The following COQ4 variants were observed in gnomAD, a reference collection of about 807,000 sequenced individuals.
COQ4 encodes coenzyme Q4.
A neutral mutation model predicts 30.2 loss-of-function variants in COQ4; 36 were observed. That is an observed-to-expected ratio of 1.19 (90% CI 0.91 to 1.57). The LOEUF (loss-of-function observed/expected upper bound fraction) is 1.57. COQ4 is among the 40% of genes most tolerant of loss of function. The pLI is 0.00. For synonymous variants in COQ4, 197 were observed against 161.0 expected (o/e 1.22, Z -1.69); for missense variants, 369 against 371.9 (o/e 0.99, Z 0.07).
At position 128,329,556 on chromosome 9, in the gene COQ4, G is replaced by A. The variant is rs774577448; in HGVS notation, c.403-2597G>A. ...GGCTATTTTTTGTATTTTTAGTATA[G>A]GCGGGATTTCATCATATTGGCCAGG... On this transcript the variant is annotated intron_variant, in intron 4 of 6. Transcript: ENST00000300452. Among the ~76,000 whole-genome samples, 13 of 152,210 alleles carry A rather than the reference G, an allele frequency of 8.5e-5. 1 individual carries two copies. The Middle Eastern group carries it at 0.01, about 119-fold the overall frequency.
At chr9:128,332,559 C>A (rs142793859) in intron 5 of COQ4, 1 of 583,444 alleles carries the variant, frequency 1.7e-6, no homozygotes, top group Admixed American at 3.0e-5. Flanking sequence ...CAGTAGCTCC[C>A]TAAGGCCTGC....
At chr9:128,332,361 C>A in intron 5 of COQ4, 79 bp downstream of exon 5, 1 of 1,494,576 alleles carries the variant, frequency 6.7e-7, no homozygotes, top group Non-Finnish European at 9.1e-7. Flanking sequence ...TCTCCACCAC[C>A]CTCTGCATCA....
chr9:128,332,307 C>T (rs1266039065), intron 5 of COQ4, 25 bp downstream of exon 5: 3 of 1,609,722 alleles, frequency 1.9e-6, no homozygotes, highest in Non-Finnish European at 2.5e-6. Flanking sequence ...CCCTGATGGC[C>T]TGTCTCCCTG....
intron 4 of COQ4, chr9:128,331,287 G>A (rs1483843669): frequency 6.6e-6 from 1 of 152,164 alleles, no homozygotes; most frequent in Non-Finnish European, 1.5e-5. Flanking sequence ...GTAGGTCTAG[G>A]AGACATTAAT....
chr9:128,329,420 AGGCTGGAGGGCAGT>A, intron 4 of COQ4, among the ~76,000 whole-genome samples: 1 of 152,262 alleles, frequency 6.6e-6, no homozygotes, highest in Admixed American at 6.5e-5. Flanking sequence ...TCTGTCACCC[AGGCTGGAGGGCAGT>A]GGCACAATCT....
chr9:128,323,356 GAA>G (rs1295870721), intron 2 of COQ4: 1 of 580,156 alleles, frequency 1.7e-6, no homozygotes, highest in Non-Finnish European at 3.0e-6. Context: ...GCGTGAAACC[GAA>G]AGTCTGTCTT....
At chr9:128,332,490 C>T in intron 5 of COQ4, 1 of 616,512 alleles carries the variant, frequency 1.6e-6, no homozygotes, top group Non-Finnish European at 2.8e-6. Flanking sequence ...GCAGCAGAGC[C>T]CATCTTCAAG....
chr9:128,325,810 G>T lies in COQ4; in HGVS notation c.331G>T (p.Asp111Tyr), dbSNP rs530213004. The T allele has an allele frequency of 1.2e-6, 2 of 1,614,068 alleles. No homozygotes were observed. Among genetic ancestry groups the T allele is most frequent in the Non-Finnish European group, 1.7e-6 (2 of 1,180,032 alleles). ...ERPRISTSTLDLGKLQSLPEG... is the reference protein window; with the variant it reads ...ERPRISTSTLYLGKLQSLPEG... ...TCCCCGGATTTCGACATCCACCCTC[G>T]ACCTGGGCAAGCTCCAGAGCCTGCC... Residue 111 changes from aspartate to tyrosine, a missense_variant, in exon 4 of 7, where the codon GAC becomes TAC. Asp to Tyr is a radical substitution (Grantham distance 160, BLOSUM62 -3). Transcript: ENST00000300452.
At chr9:128,327,605 G>T (rs2131227228) in intron 4 of COQ4, among the ~76,000 whole-genome samples, 1 of 152,276 alleles carries the variant, frequency 6.6e-6, no homozygotes, top group South Asian at 2.1e-4. Flanking sequence ...TTTGAGACCA[G>T]CCTGGACAAC....
intron 2 of COQ4, chr9:128,323,492 T>C (rs182745733): frequency 4.4e-6 from 2 of 452,774 alleles, no homozygotes; most frequent in Admixed American, 8.5e-5. Flanking sequence ...TCGAGGACCA[T>C]GTCTGCCTCG....
chr9:128,330,707 C>T (rs7044610), intron 4 of COQ4: 25,161 of 151,958 alleles, frequency 0.17, 4,335 homozygotes, highest in African/African-American at 0.44. Context: ...TCAGGTGATC[C>T]GCCCGCCTCG....
chr9:128,324,669 C>T (rs1588537499), intron 2 of COQ4, among the ~76,000 whole-genome samples: 1 of 151,872 alleles, frequency 6.6e-6, no homozygotes, highest in Non-Finnish European at 1.5e-5. Context: ...AAAAAACTAG[C>T]TGCATGCCTG....
intron 1 of COQ4, 25 bp from the exon 2 acceptor site, chr9:128,322,991 C>T: frequency 6.2e-7 from 1 of 1,609,836 alleles, no homozygotes; most frequent in Non-Finnish European, 8.5e-7. Flanking sequence ...GCTCCTCTGA[C>T]CTCGGCCTTT....
chr9:128,325,748 A>G (rs1184905701), intron 3 of COQ4, 31 bp from the exon 4 acceptor site: 2 of 1,575,248 alleles, frequency 1.3e-6, no homozygotes, highest in East Asian at 4.5e-5. Context: ...CTTTGCCCAC[A>G]CCCTCCCAAT....
chr9:128,329,666 G>A (rs929227604), intron 4 of COQ4, among the ~76,000 whole-genome samples: 2 of 152,170 alleles, frequency 1.3e-5, no homozygotes, highest in African/African-American at 2.4e-5. Context: ...CACCACGCCC[G>A]GCCCTTGTTT....
At chr9:128,328,929 G>T (rs971831609) in intron 4 of COQ4, among the ~76,000 whole-genome samples, 1 of 152,196 alleles carries the variant, frequency 6.6e-6, no homozygotes, top group Non-Finnish European at 1.5e-5. Flanking sequence ...CCGCGCTGGC[G>T]ATTGTGACAC....
chr9:128,325,044 T>G, intron 2 of COQ4, 99 bp from the exon 3 acceptor site: 1 of 776,172 alleles, frequency 1.3e-6, no homozygotes, highest in South Asian at 1.7e-5. Flanking sequence ...GAGCTAGACA[T>G]CATCCCTAAT....
intron 2 of COQ4, 139 bp downstream of exon 2, chr9:128,323,286 C>T (rs1288650909): frequency 1.8e-5 from 15 of 846,384 alleles, no homozygotes; most frequent in East Asian, 5.8e-5. Flanking sequence ...AATGCAGATT[C>T]CTGGATCCCA....
intron 2 of COQ4, among the ~76,000 whole-genome samples, chr9:128,324,909 AC>A (rs1322152765): frequency 3.3e-5 from 5 of 152,220 alleles, no homozygotes; most frequent in Non-Finnish European, 4.4e-5. Flanking sequence ...AATCTTTACA[AC>A]GTTGTGCTAA....
Sources: allele counts gnomAD v4.1 joint callset (sites outside exome capture counted in the v4.1 genomes callset), GRCh38; gene constraint gnomAD v4.1.1; transcripts MANE v1.5; gene names NCBI Gene and HGNC (gene_info 2026-07-23, HGNC 2026-07-21).